NR6A1: variants seen among roughly 807,000 people sequenced by gnomAD.
NR6A1 encodes retinoic acid receptor-related testis-associated receptor.
Under a neutral mutation model 59.1 loss-of-function variants are expected in NR6A1, and 7 were observed. The ratio of observed to expected loss-of-function variants is 0.12; its 90% CI spans 0.07 to 0.22. The LOEUF (loss-of-function observed/expected upper bound fraction) is 0.22. Ranked by LOEUF, NR6A1 falls within the 10% of genes least tolerant of loss-of-function variation. NR6A1 has a pLI of 1.00. For synonymous variants in NR6A1, 243 were observed against 236.1 expected, an observed-to-expected ratio of 1.03 and a Z score of -0.27; for missense variants, 468 against 611.6, an observed-to-expected ratio of 0.77 and a Z score of 2.48.
chr9:124,571,170 A>G (rs576671850), intron 2 of NR6A1, among the ~76,000 whole-genome samples: 52 of 152,350 alleles, frequency 3.4e-4, no homozygotes, highest in Middle Eastern at 6.8e-3. Flanking sequence ...CTTAGAGTAG[A>G]AGTATGTCAA....
chr9:124,537,370 A>G (rs567854066), intron 6 of NR6A1, among the ~76,000 whole-genome samples: 70 of 152,252 alleles, frequency 4.6e-4, no homozygotes, highest in African/African-American at 1.3e-3. Context: ...TACAGGCATG[A>G]GCCACCACGC....
intron 2 of NR6A1, among the ~76,000 whole-genome samples, chr9:124,580,317 T>C (rs1181968044): frequency 6.6e-6 from 1 of 152,066 alleles, no homozygotes; most frequent in Non-Finnish European, 1.5e-5. Context: ...CATATGACAG[T>C]CTCCAGAAGA....
intron 2 of NR6A1, among the ~76,000 whole-genome samples, chr9:124,580,238 G>T (rs192946110): frequency 1.6e-4 from 25 of 152,178 alleles, no homozygotes; most frequent in Admixed American, 9.8e-4. Flanking sequence ...GCAATTAAAA[G>T]AATAATAAAC....
At chr9:124,619,235 G>A (rs760266100) in intron 2 of NR6A1, among the ~76,000 whole-genome samples, 33 of 152,002 alleles carry the variant, frequency 2.2e-4, no homozygotes, top group Admixed American at 6.6e-5. Flanking sequence ...AATAAAACAA[G>A]CTACACAATT....
At chr9:124,543,080 AG>A (rs1422979613) in intron 4 of NR6A1, among the ~76,000 whole-genome samples, 7 of 152,242 alleles carry the variant, frequency 4.6e-5, no homozygotes, top group African/African-American at 1.2e-4. Flanking sequence ...TCCAAATTCA[AG>A]GATTCTGCCT....
chr9:124,711,356 C>G (rs1839274611), intron 2 of NR6A1, among the ~76,000 whole-genome samples: 1 of 151,962 alleles, frequency 6.6e-6, no homozygotes, highest in Admixed American at 6.6e-5. Flanking sequence ...ATCTCACACC[C>G]CCTTAACTGA....
intron 1 of NR6A1, among the ~76,000 whole-genome samples, chr9:124,735,896 G>C (rs1211697559): frequency 2.6e-5 from 4 of 152,046 alleles, no homozygotes; most frequent in African/African-American, 4.8e-5. Context: ...TCTTATAATG[G>C]AACAATCACC....
intron 2 of NR6A1, among the ~76,000 whole-genome samples, chr9:124,609,862 T>G (rs575217515): frequency 6.6e-6 from 1 of 152,312 alleles, no homozygotes; most frequent in Non-Finnish European, 1.5e-5. Context: ...TTTTATTCTC[T>G]TCATAGTAAT....
intron 7 of NR6A1, among the ~76,000 whole-genome samples, chr9:124,531,603 C>G (rs1462544106): frequency 1.3e-5 from 2 of 152,172 alleles, no homozygotes; most frequent in Non-Finnish European, 2.9e-5. Flanking sequence ...GTTAACCTGA[C>G]TCTAGAGGTT....
At chr9:124,600,890 G>C (rs118022604) in intron 2 of NR6A1, among the ~76,000 whole-genome samples, 3 of 149,024 alleles carry the variant, frequency 2.0e-5, no homozygotes, top group Non-Finnish European at 4.4e-5. Flanking sequence ...GAATAAAGAC[G>C]ATCTCAAAAG....
intron 3 of NR6A1, among the ~76,000 whole-genome samples, chr9:124,552,841 C>T (rs1320143923): frequency 5.9e-5 from 9 of 152,124 alleles, no homozygotes; most frequent in Non-Finnish European, 1.3e-4. Flanking sequence ...AATGCACTTC[C>T]ACATCTCTCT....
chr9:124,674,250 G>T (rs1837885747), intron 2 of NR6A1, among the ~76,000 whole-genome samples: 1 of 152,114 alleles, frequency 6.6e-6, no homozygotes, highest in South Asian at 2.1e-4. Flanking sequence ...CACATACAAT[G>T]CCTAGGTACA....
chr9:124,584,701 C>G (rs775036755), intron 2 of NR6A1, among the ~76,000 whole-genome samples: 26 of 152,178 alleles, frequency 1.7e-4, no homozygotes, highest in Admixed American at 1.1e-3. Context: ...GCCATTCCCC[C>G]ATCTCTCCTT....
intron 2 of NR6A1, chr9:124,599,202 G>A: frequency 2.0e-6 from 1 of 492,708 alleles, no homozygotes. Flanking sequence ...CAGCACTCTG[G>A]GAGACTGAGG....
Position 124,658,226 on chromosome 9 carries a change from G to A in NR6A1, c.142+75082C>T, listed in dbSNP as rs139195724. Among the ~76,000 whole-genome samples, 90 of 152,236 alleles carry A rather than the reference G, an allele frequency of 5.9e-4. 3 individuals carry two copies. In the South Asian group the frequency reaches 7.7e-3, roughly 13 times the overall value. On this transcript the variant is annotated intron_variant, in intron 2 of 9. Coordinates refer to ENST00000487099, the MANE Select transcript of NR6A1 (RefSeq NM_033334.4). ...CTTCAAAGTCTCTCAGTGACTAGAG[G>A]CAGCCAGACACTCAAACTGCCAGTC...
rs77181547 is a variant in NR6A1, at chr9:124,718,875, C to A, written c.142+14433G>T. 3.0e-5 allele frequency among the ~76,000 whole-genome samples: 4 copies of A among 133,846 alleles called. No individual in the cohort carries two copies. The South Asian group carries it at 9.7e-4, about 33-fold the overall frequency. 87.8% of individuals were successfully genotyped at this position (133,846 alleles called of 152,430 possible). On this transcript the variant is annotated intron_variant, in intron 2 of 9. Transcript: ENST00000487099. ...TGCTGCCCAGGCTGGAGTACAGTGGCGCGATCTTGGCTCACTGCAGCCTCC... is the reference window on the plus strand; with the variant it reads ...TGCTGCCCAGGCTGGAGTACAGTGGAGCGATCTTGGCTCACTGCAGCCTCC...
intron 2 of NR6A1, among the ~76,000 whole-genome samples, chr9:124,725,813 T>A (rs376776177): frequency 3.3e-5 from 5 of 152,290 alleles, no homozygotes; most frequent in African/African-American, 7.2e-5. Context: ...AAAAACTTTT[T>A]AAAATACTGA....
chr9:124,753,190 A>C (rs939732957), intron 1 of NR6A1, among the ~76,000 whole-genome samples: 3 of 152,206 alleles, frequency 2.0e-5, no homozygotes, highest in African/African-American at 7.2e-5. Context: ...AATCCTTCTG[A>C]TTACATCAGA....
intron 2 of NR6A1, among the ~76,000 whole-genome samples, chr9:124,731,860 A>AATT (rs968448360): frequency 6.6e-6 from 1 of 152,190 alleles, no homozygotes; most frequent in Admixed American, 6.5e-5. Context: ...AGTTATTAAT[A>AATT]AAGTTTTTGA....
Sources: allele counts gnomAD v4.1 joint callset (sites outside exome capture counted in the v4.1 genomes callset), GRCh38; gene constraint gnomAD v4.1.1; transcripts MANE v1.5; gene names NCBI Gene and HGNC (gene_info 2026-07-23, HGNC 2026-07-21).